CREB5: variants seen among roughly 807,000 people sequenced by gnomAD.
The protein encoded by CREB5 is cyclic AMP-responsive element-binding protein 5.
In CREB5, 19 loss-of-function variants were observed where a neutral mutation model predicts 57.1. The ratio of observed to expected loss-of-function variants is 0.33; its 90% CI spans 0.23 to 0.49. The LOEUF (loss-of-function observed/expected upper bound fraction) is 0.49, where lower values mean the gene tolerates loss of function less well. Ranked by LOEUF, CREB5 falls within the 20% of genes least tolerant of loss-of-function variation. The probability of loss-of-function intolerance (pLI) is 0.99; values close to 1 mark genes in which losing one functional copy is unlikely to be tolerated. For missense variants in CREB5, 579 were observed against 671.6 expected, an observed-to-expected ratio of 0.86 and a Z score of 1.52; for synonymous variants, 238 against 238.3, an observed-to-expected ratio of 1.00 and a Z score of 0.01.
At chr7:28,816,884 A>T (rs1809470974) in intron 9 of CREB5, among the ~76,000 whole-genome samples, 1 of 152,210 alleles carries the variant, frequency 6.6e-6, no homozygotes, top group Admixed American at 6.5e-5. Flanking sequence ...CAAAGAGAGG[A>T]TATTATTGAT....
intron 7 of CREB5, among the ~76,000 whole-genome samples, chr7:28,768,231 G>A (rs1806114331): frequency 6.6e-6 from 1 of 152,144 alleles, no homozygotes; most frequent in African/African-American, 2.4e-5. Context: ...AGACAGGCTA[G>A]TGAAGAAAAA....
At chr7:28,399,510 A>G (rs1445610138) in intron 1 of CREB5, among the ~76,000 whole-genome samples, 2 of 152,156 alleles carry the variant, frequency 1.3e-5, no homozygotes, top group Non-Finnish European at 1.5e-5. Flanking sequence ...AATCTCTGAC[A>G]AAGTTGACAA....
chr7:28,640,056 G>T (rs1241141345), intron 5 of CREB5, among the ~76,000 whole-genome samples: 1 of 152,138 alleles, frequency 6.6e-6, no homozygotes, highest in East Asian at 1.9e-4. Flanking sequence ...GAGGAATTTG[G>T]TTGAAACTGT....
chr7:28,697,401 A>G (rs1801632037), intron 5 of CREB5, among the ~76,000 whole-genome samples: 1 of 152,050 alleles, frequency 6.6e-6, no homozygotes, highest in Non-Finnish European at 1.5e-5. Context: ...TTGTTTTCAA[A>G]CTGAGGGTAC....
intron 8 of CREB5, among the ~76,000 whole-genome samples, chr7:28,805,224 G>A (rs1808642110): frequency 6.6e-6 from 1 of 152,192 alleles, no homozygotes; most frequent in South Asian, 2.1e-4. Context: ...TGGCTGCAAA[G>A]AAAGCCAGCA....
intron 1 of CREB5, among the ~76,000 whole-genome samples, chr7:28,345,817 G>C (rs1015393986): frequency 9.2e-5 from 14 of 152,188 alleles, no homozygotes; most frequent in Non-Finnish European, 1.8e-4. Flanking sequence ...TTGTGCAGAG[G>C]TGGTGTGACC....
chr7:28,698,412 G>A (rs1220072742), intron 5 of CREB5, among the ~76,000 whole-genome samples: 1 of 147,378 alleles, frequency 6.8e-6, no homozygotes, highest in Non-Finnish European at 1.5e-5. Flanking sequence ...TTAAAGTTTC[G>A]AGTCAGGCAA....
rs372794651 is a variant in CREB5 at position 28,372,902 on chromosome 7, G to A, written c.-25+73461G>A. 4.7e-4 allele frequency among the ~76,000 whole-genome samples: 71 copies of A among 152,242 alleles called. 1 individual carries two copies. In the South Asian group the frequency reaches 6.2e-3, roughly 13 times the overall value. On this transcript the variant is annotated intron_variant, in intron 1 of 9. Coordinates refer to the CREB5 transcript ENST00000396299. The stretch of plus-strand genomic sequence containing the variant: ...AGCTGCCTAGCAGAACTTGGGCTCC[G>A]GATAGCTAGAATGTGTACGGCTTTG...
intron 7 of CREB5, among the ~76,000 whole-genome samples, chr7:28,760,426 C>T (rs917753819): frequency 2.0e-5 from 3 of 152,212 alleles, no homozygotes; most frequent in Non-Finnish European, 4.4e-5. Context: ...ATTATACCAC[C>T]TTGAAGATCC....
intron 4 of CREB5, among the ~76,000 whole-genome samples, chr7:28,560,849 T>TGCGTGCGCGTGCGTGCGTGCGCGCGC (rs1342485250): frequency 1.1e-5 from 1 of 87,054 alleles, no homozygotes; most frequent in Non-Finnish European, 2.3e-5. Flanking sequence ...TGTGTGCGCG[T>TGCGTGCGCGTGCGTGCGTGCGCGCGC]GTGTGTGTGC....
intron 1 of CREB5, among the ~76,000 whole-genome samples, chr7:28,317,096 C>T (rs531276994): frequency 4.9e-4 from 74 of 151,024 alleles, no homozygotes; most frequent in Non-Finnish European, 9.3e-4. Flanking sequence ...CAAAAGGAGA[C>T]CCATCCCATC....
intron 7 of CREB5, among the ~76,000 whole-genome samples, chr7:28,788,118 G>C (rs571776330): frequency 6.6e-6 from 1 of 152,270 alleles, no homozygotes; most frequent in South Asian, 2.1e-4. Context: ...TTTCTCAGCT[G>C]TGGCATTATT....
At chr7:28,528,301 G>A (rs145828285) in intron 4 of CREB5, among the ~76,000 whole-genome samples, 1 of 152,204 alleles carries the variant, frequency 6.6e-6, no homozygotes, top group Non-Finnish European at 1.5e-5. Flanking sequence ...TTGTCAAGGG[G>A]AATATTTCAT....
chr7:28,774,154 T>G (rs1806494364), intron 7 of CREB5, among the ~76,000 whole-genome samples: 1 of 152,224 alleles, frequency 6.6e-6, no homozygotes, highest in Non-Finnish European at 1.5e-5. Flanking sequence ...TTCTATTTCA[T>G]AGTTGCTGTT....
At chr7:28,428,151 G>A (rs1470077154) in intron 1 of CREB5, among the ~76,000 whole-genome samples, 1 of 152,146 alleles carries the variant, frequency 6.6e-6, no homozygotes, top group African/African-American at 2.4e-5. Context: ...TAGGTAAGGG[G>A]CTGCTTGGTA....
At chr7:28,419,959 G>A (rs761340589) in intron 1 of CREB5, among the ~76,000 whole-genome samples, 6 of 152,176 alleles carry the variant, frequency 3.9e-5, no homozygotes, top group Non-Finnish European at 8.8e-5. Context: ...CAGTGTTTTG[G>A]CACCATGAAG....
chr7:28,461,812 C>T lies in CREB5; in HGVS notation c.4-26363C>T, dbSNP rs74830044. Reference sequence around the variant, plus strand: ...TTCAGAAGATATGTAAATCCATTGTCATTTTTCAAACAGGAAAATGGGAGT... The same window carrying T: ...TTCAGAAGATATGTAAATCCATTGTTATTTTTCAAACAGGAAAATGGGAGT... On this transcript the variant is annotated intron_variant, in intron 1 of 10. Transcript: ENST00000357727. Among the ~76,000 whole-genome samples the T allele has an allele frequency of 7.8e-3, 1,183 of 152,146 alleles. 7 individuals are homozygous for T. Among genetic ancestry groups the T allele is most frequent in the Non-Finnish European group, 0.012 (846 of 68,000 alleles).
chr7:28,612,911 C>G (rs942258550), intron 5 of CREB5, among the ~76,000 whole-genome samples: 15 of 152,206 alleles, frequency 9.9e-5, no homozygotes, highest in African/African-American at 3.4e-4. Context: ...CATTTTTGTA[C>G]TTATCCCTTC....
intron 4 of CREB5, among the ~76,000 whole-genome samples, chr7:28,565,124 C>T (rs759522154): frequency 1.3e-5 from 2 of 152,200 alleles, no homozygotes; most frequent in Non-Finnish European, 2.9e-5. Context: ...AACACTATTA[C>T]ACATTACTAA....
Sources: gnomAD v4.1 joint callset for allele counts (sites outside exome capture counted in the v4.1 genomes callset) on GRCh38, gnomAD v4.1.1 for gene constraint, MANE v1.5 for transcripts, NCBI Gene and HGNC (gene_info 2026-07-23, HGNC 2026-07-21) for gene names.